Variants in SENP7 observed in about 807,000 individuals in gnomAD.
The protein encoded by SENP7 is sentrin-specific protease 7.
In SENP7, 64 loss-of-function variants were observed where a neutral mutation model predicts 141.2. That is an observed-to-expected ratio of 0.45 (90% CI 0.37 to 0.56). SENP7 has a LOEUF of 0.56. Among genes scored for constraint, SENP7 ranks in the 20% least tolerant of loss-of-function variants. The pLI is 0.00. For synonymous variants in SENP7, 382 were observed against 426.4 expected (o/e 0.90, Z 1.28); for missense variants, 1,025 against 1,212.2 (o/e 0.85, Z 2.29).
chr3:101,365,055 C>CTGTGTCTCAAAAA, intron 9 of SENP7, 64 bp from the exon 10 acceptor site: 2 of 1,093,958 alleles, frequency 1.8e-6, no homozygotes, highest in Non-Finnish European at 2.4e-6. Flanking sequence ...TTTTTTGAGA[C>CTGTGTCTCAAAAA]ACAGTCTCCC....
intron 1 of SENP7, among the ~76,000 whole-genome samples, chr3:101,506,020 A>ATTTTTTT (rs61021808): frequency 7.1e-6 from 1 of 141,200 alleles, no homozygotes; most frequent in South Asian, 2.2e-4. Context: ...TTATTCCATA[A>ATTTTTTT]TTTTTTTTTT....
At chr3:101,491,160 T>C (rs1338931697) in intron 3 of SENP7, among the ~76,000 whole-genome samples, 1 of 151,602 alleles carries the variant, frequency 6.6e-6, no homozygotes, top group Non-Finnish European at 1.5e-5. Flanking sequence ...GGTCTCATTG[T>C]TTCCCAGGCT....
At chr3:101,364,322 G>A (rs1355218646) in intron 10 of SENP7, among the ~76,000 whole-genome samples, 1 of 152,082 alleles carries the variant, frequency 6.6e-6, no homozygotes, top group African/African-American at 2.4e-5. Context: ...TGAATTAATC[G>A]ACTGATATTA....
intron 1 of SENP7, among the ~76,000 whole-genome samples, chr3:101,504,933 C>T (rs1002028327): frequency 1.3e-5 from 2 of 152,012 alleles, no homozygotes; most frequent in Non-Finnish European, 2.9e-5. Flanking sequence ...GTGGGAAAAT[C>T]GCTTGAGCCC....
intron 1 of SENP7, among the ~76,000 whole-genome samples, chr3:101,509,262 A>T (rs542082448): frequency 1.5e-4 from 23 of 151,458 alleles, no homozygotes; most frequent in African/African-American, 5.6e-4. Flanking sequence ...TTCCCATCTC[A>T]TTTTCCCAGC....
chr3:101,457,742 G>C (rs569520726), intron 4 of SENP7: 10 of 831,770 alleles, frequency 1.2e-5, no homozygotes, highest in Middle Eastern at 3.6e-4. Context: ...TATCAGAGCA[G>C]ATAAGGGGCC....
intron 14 of SENP7, 72 bp from the exon 15 acceptor site, chr3:101,341,851 G>A (rs913979367): frequency 1.1e-4 from 151 of 1,415,122 alleles, no homozygotes; most frequent in Middle Eastern, 1.8e-4. Context: ...AAACGTAGAC[G>A]TGTGAGAGAA....
Position 101,372,074 on chromosome 3 carries a change from G to A in SENP7, c.730C>T (p.His244Tyr), listed in dbSNP as rs750797130. 2 of 1,569,514 alleles carry A rather than the reference G, an allele frequency of 1.3e-6. No individual in the cohort carries two copies. Residue 244 changes from histidine to tyrosine, a missense_variant, in exon 7 of 24, where the codon CAC becomes TAC. Transcript: ENST00000394095. Reference protein sequence around the residue: ...VDDNSAKQTAHNKEKRRKDDG... With the variant: ...VDDNSAKQTAYNKEKRRKDDG... ...TCCTTTCTTCGTTTTTCTTTATTGT[G>A]CGCAGTCTGCTTTGCAGAATTGTCA...
chr3:101,505,513 T>C (rs1187981451), intron 1 of SENP7, among the ~76,000 whole-genome samples: 2 of 152,206 alleles, frequency 1.3e-5, no homozygotes, highest in Non-Finnish European at 2.9e-5. Flanking sequence ...CAAATATTTA[T>C]GTTTTTTTCT....
intron 11 of SENP7, chr3:101,357,607 G>T (rs2059779438): frequency 2.0e-6 from 2 of 990,792 alleles, no homozygotes; most frequent in South Asian, 2.9e-5. Flanking sequence ...GTAAAAGTGT[G>T]GATGAGTGTA....
chr3:101,421,231 T>C (rs1162894536), intron 4 of SENP7, among the ~76,000 whole-genome samples: 2 of 152,112 alleles, frequency 1.3e-5, no homozygotes, highest in African/African-American at 4.8e-5. Context: ...TATATGTGCA[T>C]GTATATATGT....
chr3:101,380,992 CA>C (rs1037705172), intron 6 of SENP7, among the ~76,000 whole-genome samples: 69 of 151,306 alleles, frequency 4.6e-4, no homozygotes, highest in Admixed American at 1.3e-3. Context: ...AAATGTTAGG[CA>C]AAAAAAATGC....
chr3:101,480,615 C>T (rs1387803678), intron 3 of SENP7, among the ~76,000 whole-genome samples: 1 of 152,120 alleles, frequency 6.6e-6, no homozygotes, highest in Non-Finnish European at 1.5e-5. Context: ...GATTTTATGA[C>T]TAAGACCTCA....
Position 101,325,334 on chromosome 3 carries a change from T to C in SENP7, c.*609A>G, listed in dbSNP as rs1255380323. 2.0e-5 allele frequency: 3 copies of C among 152,152 alleles called. No homozygotes were observed. The highest frequency in any genetic ancestry group is 1.9e-4 in the East Asian group (1 of 5,194). The allele number at this position is 152,152 out of a possible 1,614,324, so 9.4% of individuals were successfully genotyped here. On this transcript the variant is annotated 3_prime_UTR_variant, in exon 24 of 24. Transcript: ENST00000394095. ...AAAGCAGAGTAATCGTATTTAGCAATTGAGAATAATAAGCTGCACTTTAAA... is the reference window on the plus strand; with the variant it reads ...AAAGCAGAGTAATCGTATTTAGCAACTGAGAATAATAAGCTGCACTTTAAA...
At chr3:101,414,140 G>C (rs572191082) in intron 5 of SENP7, 3 of 496,038 alleles carry the variant, frequency 6.0e-6, no homozygotes, top group Non-Finnish European at 1.1e-5. Flanking sequence ...TAAAGATGGA[G>C]AACAGATCCT....
intron 4 of SENP7, chr3:101,457,651 G>A (rs1291081157): frequency 7.9e-6 from 12 of 1,512,934 alleles, no homozygotes; most frequent in African/African-American, 4.1e-5. Context: ...TTCCTTCTAC[G>A]AGCAGTTCCT....
At chr3:101,371,616 G>A (rs948287966) in intron 7 of SENP7, among the ~76,000 whole-genome samples, 1 of 152,090 alleles carries the variant, frequency 6.6e-6, no homozygotes, top group African/African-American at 2.4e-5. Flanking sequence ...GAAGTTGAGA[G>A]AAATTCTAAT....
intron 16 of SENP7, among the ~76,000 whole-genome samples, chr3:101,338,070 T>C (rs371985538): frequency 2.0e-5 from 3 of 151,866 alleles, no homozygotes; most frequent in South Asian, 2.1e-4. Flanking sequence ...GGAGAATCAC[T>C]TGAACCCGAG....
At chr3:101,438,842 C>CG (rs2062495805) in intron 4 of SENP7, among the ~76,000 whole-genome samples, 1 of 151,920 alleles carries the variant, frequency 6.6e-6, no homozygotes, top group Non-Finnish European at 1.5e-5. Flanking sequence ...GAGCGCCGCC[C>CG]GGGAGGCAGC....
Sources: allele counts gnomAD v4.1 joint callset (sites outside exome capture counted in the v4.1 genomes callset), GRCh38; gene constraint gnomAD v4.1.1; transcripts MANE v1.5; gene names NCBI Gene and HGNC (gene_info 2026-07-23, HGNC 2026-07-21).